Variants in SPECC1 observed in about 807,000 individuals in gnomAD.
SPECC1 encodes cytospin-B.
Under a neutral mutation model 104.1 loss-of-function variants are expected in SPECC1, and 62 were observed. That is an observed-to-expected ratio of 0.60 (90% confidence interval 0.49 to 0.74). The LOEUF (loss-of-function observed/expected upper bound fraction) is 0.74. SPECC1 is among the 30% of genes least tolerant of loss of function. SPECC1 has a pLI of 0.00. For synonymous variants in SPECC1, 513 were observed against 501.6 expected (o/e 1.02, Z -0.30); for missense variants, 1,306 against 1,310.5 (o/e 1.00, Z 0.05).
intron 1 of SPECC1, among the ~76,000 whole-genome samples, chr17:20,029,440 G>A (rs1035852334): frequency 2.6e-5 from 4 of 152,130 alleles, no homozygotes; most frequent in East Asian, 1.9e-4. Flanking sequence ...TCTAAAGATC[G>A]TATCGCCTGT....
chr17:20,197,176 C>T (rs533933176), intron 3 of SPECC1, among the ~76,000 whole-genome samples: 1 of 152,184 alleles, frequency 6.6e-6, no homozygotes, highest in Non-Finnish European at 1.5e-5. Context: ...AAGGGGGTCC[C>T]TGGTGCCTCC....
intron 3 of SPECC1, among the ~76,000 whole-genome samples, chr17:20,198,760 C>T (rs2036206917): frequency 6.6e-6 from 1 of 152,176 alleles, no homozygotes. Context: ...ATTTTTCAGA[C>T]TTGTTTCATG....
chr17:20,137,863 C>T (rs1318679408), intron 3 of SPECC1, among the ~76,000 whole-genome samples: 1 of 151,864 alleles, frequency 6.6e-6, no homozygotes, highest in Non-Finnish European at 1.5e-5. Flanking sequence ...GATGGGTTTT[C>T]GGCATGTTGA....
At chr17:20,166,338 A>G (rs1050725909) in intron 3 of SPECC1, among the ~76,000 whole-genome samples, 4 of 152,216 alleles carry the variant, frequency 2.6e-5, no homozygotes, top group Non-Finnish European at 2.9e-5. Flanking sequence ...TAATATATTG[A>G]TCTATTCTAA....
chr17:20,200,788 G>T (rs1484292883), intron 3 of SPECC1, among the ~76,000 whole-genome samples: 1 of 151,602 alleles, frequency 6.6e-6, no homozygotes, highest in Non-Finnish European at 1.5e-5. Context: ...GTCTGATGAT[G>T]AATTTTTAGC....
chr17:20,118,081 G>T (rs1017574818), intron 3 of SPECC1, among the ~76,000 whole-genome samples: 1 of 151,560 alleles, frequency 6.6e-6, no homozygotes, highest in African/African-American at 2.4e-5. Context: ...CTCCGGCCTG[G>T]GCAACAGTGA....
At chr17:20,041,318 C>T (rs2045317881) in intron 1 of SPECC1, among the ~76,000 whole-genome samples, 1 of 151,652 alleles carries the variant, frequency 6.6e-6, no homozygotes, top group Non-Finnish European at 1.5e-5. Flanking sequence ...TCTCGGCTCA[C>T]CGCAACCTCC....
At chr17:20,197,703 C>T (rs1376556582) in intron 3 of SPECC1, among the ~76,000 whole-genome samples, 4 of 152,172 alleles carry the variant, frequency 2.6e-5, no homozygotes. Context: ...AGACTTCATC[C>T]ACTTTTTTGT....
rs1555538234 is a variant in SPECC1 at position 20,314,700 on chromosome 17, C to CCCA, written c.*635_*636insCCA. Reference sequence around the variant, plus strand: ...AACCCTCCCTTCCCCCCTCCCCCCCCAAAAAAAAACAACAAAACACAAAAA... The same window carrying CCCA: ...AACCCTCCCTTCCCCCCTCCCCCCCCCCAAAAAAAAAACAACAAAACACAAAAA... On this transcript the variant is annotated 3_prime_UTR_variant, in exon 15 of 15. Transcript: ENST00000395527. The CCCA allele has an allele frequency of 1.2e-4, 22 of 189,982 alleles. No individual in the cohort carries two copies. Among genetic ancestry groups the CCCA allele is most frequent in the Middle Eastern group, 1.7e-3 (1 of 584 alleles). The allele number at this position is 189,982 out of a possible 1,614,324, so 11.8% of individuals were successfully genotyped here.
At chr17:20,258,237 A>G (rs1373366188) in intron 11 of SPECC1, among the ~76,000 whole-genome samples, 4 of 152,242 alleles carry the variant, frequency 2.6e-5, no homozygotes, top group African/African-American at 9.6e-5. Flanking sequence ...AAACAGTGGT[A>G]TATAAGGATT....
At chr17:20,250,295 A>G (rs1406267506) in intron 9 of SPECC1, among the ~76,000 whole-genome samples, 3 of 152,224 alleles carry the variant, frequency 2.0e-5, no homozygotes, top group Non-Finnish European at 4.4e-5. Context: ...TTCCTAGGAT[A>G]CTTGCAGTGA....
At chr17:20,177,619 A>G (rs1453129036) in intron 3 of SPECC1, among the ~76,000 whole-genome samples, 1 of 152,234 alleles carries the variant, frequency 6.6e-6, no homozygotes, top group East Asian at 1.9e-4. Context: ...ACTCTCAACT[A>G]TCCTTAACAT....
At chr17:20,129,126 T>C (rs566179155) in intron 3 of SPECC1, among the ~76,000 whole-genome samples, 1 of 152,050 alleles carries the variant, frequency 6.6e-6, no homozygotes, top group African/African-American at 2.4e-5. Context: ...CCTTCCATCC[T>C]GGCCTCCCAA....
chr17:20,115,902 T>C (rs897275410), intron 3 of SPECC1, among the ~76,000 whole-genome samples: 1 of 152,182 alleles, frequency 6.6e-6, no homozygotes, highest in African/African-American at 2.4e-5. Flanking sequence ...AAGAGAGATG[T>C]AGAAGTACAT....
rs114383044 is a variant in SPECC1 at position 20,158,170 on chromosome 17, A to G, written c.284-46163A>G. On this transcript the variant is annotated intron_variant, in intron 3 of 14. Transcript: ENST00000395527. ...TGGCCCCAACTGGCAGTTGTGGTACATTGGACTAGAATCTCAACAAGTGCT... is the reference window on the plus strand; with the variant it reads ...TGGCCCCAACTGGCAGTTGTGGTACGTTGGACTAGAATCTCAACAAGTGCT... Among the ~76,000 whole-genome samples, 642 of 152,084 alleles carry G rather than the reference A, an allele frequency of 4.2e-3. 3 individuals are homozygous for G. Among genetic ancestry groups the G allele is most frequent in the African/African-American group, 0.014 (563 of 41,550 alleles).
rs545649143 is a variant in SPECC1 at position 20,121,526 on chromosome 17, G to A, written c.283+10964G>A. On this transcript the variant is annotated intron_variant, in intron 3 of 14. Coordinates refer to ENST00000395527, the MANE Select transcript of SPECC1 (RefSeq NM_001243439.2). The stretch of plus-strand genomic sequence containing the variant: ...GCTGGGACTACAGGTGCACACCACC[G>A]GGGTCTCGCCATGTTGCCCAGGCTG... 2.8e-4 allele frequency among the ~76,000 whole-genome samples: 43 copies of A among 152,108 alleles called. No homozygotes were observed. In the East Asian group the frequency reaches 8.4e-3, roughly 30 times the overall value.
chr17:20,296,993 G>T lies in SPECC1; in HGVS notation c.2973G>T (p.Trp991Cys). The change falls in exon 13 of 15, where the codon TGG (tryptophan) becomes TGT (cysteine). Residue 991 changes from tryptophan to cysteine, a missense_variant. By Grantham distance (215) the Trp-to-Cys change is radical. Around this residue, in one of 2 missense-constraint regions of SPECC1, gnomAD observed 129 missense variants for 170.6 expected, o/e 0.76. Coordinates refer to ENST00000395527, the MANE Select transcript of SPECC1 (RefSeq NM_001243439.2). ...ACATCACCAATTTCAGCAGCAGCTG[G>T]AGCGATGGCCTGGCCTTCTGTGCTC... The part of the protein sequence containing the change: ...NIDITNFSSS[W>C]SDGLAFCALL... The T allele has an allele frequency of 1.2e-6, 2 of 1,614,160 alleles. No homozygotes were observed. Among genetic ancestry groups the T allele is most frequent in the Non-Finnish European group, 1.7e-6 (2 of 1,180,032 alleles).
At position 20,219,085 on chromosome 17, in the gene SPECC1, A is replaced by G. The variant is rs370300690; in HGVS notation, c.1864-8328A>G. On this transcript the variant is annotated intron_variant, in intron 4 of 14. Transcript: ENST00000395527. ...CTTAGGTTGATTCCAAGTCTTGGCT[A>G]TTGTAAATAGTGCTGCAATAAACTT... Among the ~76,000 whole-genome samples the G allele has an allele frequency of 4.6e-5, 7 of 152,302 alleles. No homozygotes were observed. In the East Asian group the frequency reaches 7.7e-4, roughly 17 times the overall value.
chr17:20,217,584 G>C (rs1598005489), intron 4 of SPECC1, among the ~76,000 whole-genome samples: 1 of 152,110 alleles, frequency 6.6e-6, no homozygotes, highest in Non-Finnish European at 1.5e-5. Context: ...CTAGACTCCA[G>C]GTGACAGGCC....
Sources: gnomAD v4.1 joint callset for allele counts (sites outside exome capture counted in the v4.1 genomes callset) on GRCh38, gnomAD v4.1.1 for gene constraint, gnomAD v4.1.1 regional missense constraint, MANE v1.5 for transcripts, NCBI Gene and HGNC (gene_info 2026-07-23, HGNC 2026-07-21) for gene names.